GRIA1: variants seen among roughly 807,000 people sequenced by gnomAD.
The protein encoded by GRIA1 is glutamate ionotropic receptor AMPA type subunit 1.
In GRIA1, 31 loss-of-function variants were observed where a neutral mutation model predicts 99.2. The observed-to-expected ratio is 0.31, with a 90% CI of 0.23 to 0.42. The LOEUF (loss-of-function observed/expected upper bound fraction) is 0.42. GRIA1 is among the 10% of genes least tolerant of loss of function. The pLI is 1.00. For missense variants in GRIA1, 782 were observed against 1,157.5 expected, an observed-to-expected ratio of 0.68 and a Z score of 4.71; for synonymous variants, 438 against 432.4, an observed-to-expected ratio of 1.01 and a Z score of -0.16.
intron 5 of GRIA1, among the ~76,000 whole-genome samples, chr5:153,665,769 C>T (rs567789859): frequency 8.5e-4 from 130 of 152,230 alleles, no homozygotes; most frequent in Middle Eastern, 3.4e-3. Context: ...TGGGGGAGAA[C>T]TCTCATATAT....
chr5:153,619,132 G>T (rs114016429), intron 2 of GRIA1, among the ~76,000 whole-genome samples: 50 of 152,232 alleles, frequency 3.3e-4, no homozygotes, highest in African/African-American at 1.2e-3. Flanking sequence ...ATGCAGTTTG[G>T]TTTAAACAGT....
At chr5:153,729,484 A>T (rs1481383088) in intron 11 of GRIA1, among the ~76,000 whole-genome samples, 1 of 152,108 alleles carries the variant, frequency 6.6e-6, no homozygotes, top group African/African-American at 2.4e-5. Context: ...CTAAGGTATT[A>T]CACAGTAAAG....
intron 7 of GRIA1, among the ~76,000 whole-genome samples, chr5:153,681,992 C>T (rs1292594587): frequency 6.6e-6 from 1 of 151,744 alleles, no homozygotes; most frequent in Non-Finnish European, 1.5e-5. Context: ...CGAGGTTGTG[C>T]CACTGCATAC....
intron 13 of GRIA1, among the ~76,000 whole-genome samples, chr5:153,789,306 C>T (rs1765155603): frequency 7.0e-6 from 1 of 141,860 alleles, no homozygotes; most frequent in South Asian, 2.3e-4. Context: ...TCTAATACCT[C>T]TTTTGATATT....
chr5:153,674,602 C>A lies in GRIA1; in HGVS notation c.802C>A (p.Gln268Lys). The A allele has an allele frequency of 6.2e-7, 1 of 1,614,086 alleles. No homozygotes were observed. The highest frequency in any genetic ancestry group is 1.7e-4 in the Middle Eastern group (1 of 6,060). The change falls in exon 6 of 16, where the codon CAG becomes AAG. Residue 268 changes from glutamine (Q) to lysine (K), a missense_variant. This residue lies in a region of GRIA1 where 461 missense variants were observed against 521.7 expected (regional missense o/e 0.88). Coordinates refer to ENST00000285900, the MANE Select transcript of GRIA1 (RefSeq NM_000827.4). Reference protein sequence around the residue: ...YTDTIPAKIMQQWKNSDARDH... With the variant: ...YTDTIPAKIMKQWKNSDARDH... ...AGACACTATTCCGGCCAAGATCATG[C>A]AGCAGTGGAAGAATAGTGATGCTCG...
intron 8 of GRIA1, among the ~76,000 whole-genome samples, chr5:153,687,952 T>G (rs1757450497): frequency 6.6e-6 from 1 of 152,228 alleles, no homozygotes; most frequent in Non-Finnish European, 1.5e-5. Context: ...AAAATCAAAG[T>G]GTTGGCAAGG....
intron 2 of GRIA1, among the ~76,000 whole-genome samples, chr5:153,561,031 A>G (rs529384783): frequency 6.6e-6 from 1 of 152,274 alleles, no homozygotes; most frequent in East Asian, 1.9e-4. Context: ...TTTCTCCTCA[A>G]CAGTACAGGT....
intron 2 of GRIA1, among the ~76,000 whole-genome samples, chr5:153,599,957 G>C (rs1764749726): frequency 1.3e-5 from 2 of 152,138 alleles, no homozygotes; most frequent in African/African-American, 4.8e-5. Flanking sequence ...GAAGAAGGCT[G>C]TCGGCTTGAC....
At chr5:153,625,330 T>C (rs1173754817) in intron 2 of GRIA1, among the ~76,000 whole-genome samples, 1 of 152,218 alleles carries the variant, frequency 6.6e-6, no homozygotes, top group Non-Finnish European at 1.5e-5. Flanking sequence ...CAGCCCCAGC[T>C]ATTCAGCATC....
intron 11 of GRIA1, among the ~76,000 whole-genome samples, chr5:153,758,402 G>C (rs907904670): frequency 6.6e-6 from 1 of 151,760 alleles, no homozygotes; most frequent in South Asian, 2.1e-4. Flanking sequence ...TGGAGCAGGA[G>C]TAGTCACACT....
chr5:153,756,224 C>A (rs1229065650), intron 11 of GRIA1, among the ~76,000 whole-genome samples: 1 of 152,206 alleles, frequency 6.6e-6, no homozygotes, highest in Non-Finnish European at 1.5e-5. Flanking sequence ...AAGAAGATTC[C>A]ATCCCACAGC....
At chr5:153,654,907 T>C (rs1754829075) in intron 4 of GRIA1, among the ~76,000 whole-genome samples, 2 of 152,196 alleles carry the variant, frequency 1.3e-5, no homozygotes, top group African/African-American at 2.4e-5. Flanking sequence ...CCATTCATTA[T>C]TAGGTGTGTC....
At chr5:153,647,208 A>G (rs1754220340) in intron 3 of GRIA1, 41 bp downstream of exon 3, 3 of 1,599,882 alleles carry the variant, frequency 1.9e-6, no homozygotes, top group Non-Finnish European at 2.6e-6. Flanking sequence ...TGAGGGATGG[A>G]GAGAAAATTA....
At chr5:153,691,682 G>A (rs1227058774) in intron 8 of GRIA1, among the ~76,000 whole-genome samples, 1 of 152,154 alleles carries the variant, frequency 6.6e-6, no homozygotes, top group African/African-American at 2.4e-5. Context: ...ACTGAATCAT[G>A]TTATAGCATC....
intron 8 of GRIA1, among the ~76,000 whole-genome samples, chr5:153,688,307 A>G (rs967480700): frequency 2.0e-5 from 3 of 152,112 alleles, no homozygotes; most frequent in African/African-American, 4.8e-5. Context: ...TGGCATGTTG[A>G]TTGTACACAG....
In GRIA1 at chr5:153,750,925, C is replaced by T. The variant is rs950658587; in HGVS notation, c.1824-13509C>T. ...ATCCTGGCCAAAGATGATGAAACCC[C>T]GTCTCTACTAAAAGTACAAAAAAAA... On this transcript the variant is annotated intron_variant, in intron 11 of 15. Transcript: ENST00000285900. Among the ~76,000 whole-genome samples the T allele has an allele frequency of 1.6e-4, 24 of 151,952 alleles. 2 individuals are homozygous for T. Among genetic ancestry groups the T allele is most frequent in the African/African-American group, 2.9e-4 (12 of 41,372 alleles).
intron 13 of GRIA1, among the ~76,000 whole-genome samples, chr5:153,771,066 A>G (rs2149618983): frequency 6.6e-6 from 1 of 152,334 alleles, no homozygotes; most frequent in East Asian, 1.9e-4. Context: ...AGTCCTGTAG[A>G]CATGGAGTCA....
chr5:153,804,120 T>C (rs573669581), intron 15 of GRIA1, among the ~76,000 whole-genome samples: 3 of 152,212 alleles, frequency 2.0e-5, no homozygotes, highest in Admixed American at 6.5e-5. Flanking sequence ...ATAGAGCCCA[T>C]TTAAAAGGCA....
intron 11 of GRIA1, among the ~76,000 whole-genome samples, chr5:153,722,159 AG>A (rs1422770032): frequency 1.3e-5 from 2 of 152,160 alleles, no homozygotes; most frequent in East Asian, 3.8e-4. Context: ...CTTTTCTGTT[AG>A]GTCATCTGTT....
Sources: gnomAD v4.1 joint callset for allele counts (sites outside exome capture counted in the v4.1 genomes callset) on GRCh38, gnomAD v4.1.1 for gene constraint, gnomAD v4.1.1 regional missense constraint, MANE v1.5 for transcripts, NCBI Gene and HGNC (gene_info 2026-07-23, HGNC 2026-07-21) for gene names.